Variants in CNTN1 observed in about 807,000 individuals in gnomAD.
The protein encoded by CNTN1 is contactin 1, also known as contactin-1.
In CNTN1, 38 loss-of-function variants were observed where a neutral mutation model predicts 126.4. The ratio of observed to expected loss-of-function variants is 0.30; its 90% CI spans 0.23 to 0.39. The LOEUF is 0.39. Ranked by LOEUF, CNTN1 falls within the 10% of genes least tolerant of loss-of-function variation. The pLI is 1.00. For missense variants in CNTN1, 1,009 were observed against 1,248.4 expected, an observed-to-expected ratio of 0.81 and a Z score of 2.89; for synonymous variants, 413 against 422.6, an observed-to-expected ratio of 0.98 and a Z score of 0.28.
chr12:40,695,187 A>C (rs1457006983), intron 1 of CNTN1, among the ~76,000 whole-genome samples: 1 of 152,246 alleles, frequency 6.6e-6, no homozygotes, highest in Non-Finnish European at 1.5e-5. Context: ...ACACAGTCCT[A>C]TAATAAGTAG....
At position 40,959,215 on chromosome 12, in the gene CNTN1, A is replaced by G; in HGVS notation, c.1785A>G (p.Ser595=). 6.2e-7 allele frequency: 1 copy of G among 1,612,704 alleles called. No individual in the cohort carries two copies. Residue 595 remains serine (S), a synonymous_variant, in exon 15 of 24, where the codon TCA becomes TCG. Transcript: ENST00000551295. ...AQTIVDNSSA[S]ADLVVRGPPG... Reference sequence around the variant, plus strand: ...CAATTGTGGACAATTCTTCAGCTTCAGCTGACCTTGTAGTGAGAGGTAAGA... The same window carrying G: ...CAATTGTGGACAATTCTTCAGCTTCGGCTGACCTTGTAGTGAGAGGTAAGA...
chr12:40,934,486 A>AAAAT (rs1190897523), intron 9 of CNTN1, among the ~76,000 whole-genome samples: 1 of 150,142 alleles, frequency 6.7e-6, no homozygotes, highest in Non-Finnish European at 1.5e-5. Context: ...TTCACACATT[A>AAAAT]AAATAAACTT....
intron 1 of CNTN1, among the ~76,000 whole-genome samples, chr12:40,796,939 T>G (rs1940460087): frequency 6.6e-6 from 1 of 152,014 alleles, no homozygotes; most frequent in Non-Finnish European, 1.5e-5. Flanking sequence ...ATGTAAGAAT[T>G]CAGAGCCACA....
chr12:40,821,746 C>T (rs1272748438), intron 1 of CNTN1, among the ~76,000 whole-genome samples: 8 of 151,744 alleles, frequency 5.3e-5, no homozygotes, highest in Admixed American at 2.6e-4. Context: ...TAATTTTTTT[C>T]TTTAATTGAA....
intron 7 of CNTN1, among the ~76,000 whole-genome samples, chr12:40,932,965 G>A (rs550702180): frequency 1.4e-5 from 2 of 141,846 alleles, no homozygotes; most frequent in African/African-American, 2.5e-5. Context: ...GTGCTGTGTT[G>A]TCTGAGTAAA....
chr12:40,942,737 A>T (rs1300749502), intron 12 of CNTN1, among the ~76,000 whole-genome samples: 1 of 152,108 alleles, frequency 6.6e-6, no homozygotes, highest in Non-Finnish European at 1.5e-5. Flanking sequence ...AACAACAAAA[A>T]GTACTCTGAA....
At chr12:41,065,532 A>G (rs1950032316) in intron 23 of CNTN1, among the ~76,000 whole-genome samples, 1 of 152,200 alleles carries the variant, frequency 6.6e-6, no homozygotes, top group Non-Finnish European at 1.5e-5. Flanking sequence ...GAAGTGTCTT[A>G]TGTAAGGTTT....
chr12:40,809,684 T>C (rs1301040153), intron 1 of CNTN1, among the ~76,000 whole-genome samples: 4 of 151,958 alleles, frequency 2.6e-5, no homozygotes, highest in African/African-American at 7.3e-5. Context: ...GGTGTGGTGG[T>C]GCACGCCTGT....
At chr12:40,815,955 T>C (rs995413954) in intron 1 of CNTN1, among the ~76,000 whole-genome samples, 2 of 152,212 alleles carry the variant, frequency 1.3e-5, no homozygotes, top group Non-Finnish European at 2.9e-5. Flanking sequence ...ATTATGTTTA[T>C]TGATTTGTGT....
At chr12:40,977,257 C>T (rs754408179) in intron 15 of CNTN1, among the ~76,000 whole-genome samples, 4 of 152,028 alleles carry the variant, frequency 2.6e-5, no homozygotes, top group Non-Finnish European at 5.9e-5. Context: ...ACCATACAGA[C>T]TTGTGGGTGG....
intron 1 of CNTN1, among the ~76,000 whole-genome samples, chr12:40,807,804 G>T (rs1940914583): frequency 6.6e-6 from 1 of 152,048 alleles, no homozygotes; most frequent in Non-Finnish European, 1.5e-5. Context: ...ATAGGAAAAA[G>T]GCACATTTGG....
chr12:40,948,352 C>CAA (rs202160837), intron 14 of CNTN1, among the ~76,000 whole-genome samples: 272 of 105,584 alleles, frequency 2.6e-3, no homozygotes, highest in African/African-American at 8.7e-3. Flanking sequence ...AGACTGAGAC[C>CAA]AAAAAAAAAA....
At chr12:40,693,267 C>T (rs969912133) in intron 1 of CNTN1, among the ~76,000 whole-genome samples, 2 of 152,234 alleles carry the variant, frequency 1.3e-5, no homozygotes, top group Non-Finnish European at 2.9e-5. Flanking sequence ...CGCGGAGCCA[C>T]GGCCCCTTCC....
chr12:41,002,080 A>G (rs1353323214), intron 17 of CNTN1, among the ~76,000 whole-genome samples: 1 of 151,464 alleles, frequency 6.6e-6, no homozygotes, highest in Non-Finnish European at 1.5e-5. Context: ...TGTCCTTTTT[A>G]CTTAGGGTTT....
intron 1 of CNTN1, among the ~76,000 whole-genome samples, chr12:40,709,907 T>C (rs1458269946): frequency 1.3e-5 from 2 of 152,182 alleles, no homozygotes; most frequent in African/African-American, 4.8e-5. Flanking sequence ...ATAAGTCTGA[T>C]TGTCTTTCTT....
chr12:40,929,336 G>GTACA (rs1555182701), intron 6 of CNTN1, among the ~76,000 whole-genome samples: 2 of 148,682 alleles, frequency 1.3e-5, no homozygotes, highest in African/African-American at 5.0e-5. Flanking sequence ...TAAAATAGGT[G>GTACA]CACACACACA....
chr12:40,760,931 A>G (rs1463191799), intron 1 of CNTN1, among the ~76,000 whole-genome samples: 3 of 152,108 alleles, frequency 2.0e-5, no homozygotes, highest in Admixed American at 1.3e-4. Context: ...TTAATTTTAT[A>G]TGATATGCTC....
At chr12:40,876,310 AG>A in intron 1 of CNTN1, among the ~76,000 whole-genome samples, 1 of 152,268 alleles carries the variant, frequency 6.6e-6, no homozygotes, top group East Asian at 1.9e-4. Context: ...AATTCAAAAA[AG>A]CATACTTTTC....
chr12:40,807,159 T>A (rs1203641886), intron 1 of CNTN1, among the ~76,000 whole-genome samples: 1 of 151,956 alleles, frequency 6.6e-6, no homozygotes, highest in Admixed American at 6.6e-5. Context: ...AAGCATAAAA[T>A]CCCTGGAAAT....
Sources: gnomAD v4.1 joint callset for allele counts (sites outside exome capture counted in the v4.1 genomes callset) on GRCh38, gnomAD v4.1.1 for gene constraint, MANE v1.5 for transcripts, NCBI Gene and HGNC (gene_info 2026-07-23, HGNC 2026-07-21) for gene names.